PLXDC1: variants seen among roughly 807,000 people sequenced by gnomAD.
The protein encoded by PLXDC1 is plexin domain-containing protein 1.
A neutral mutation model predicts 61.3 loss-of-function variants in PLXDC1; 39 were observed. The ratio of observed to expected loss-of-function variants is 0.64; its 90% CI spans 0.49 to 0.83. The LOEUF (loss-of-function observed/expected upper bound fraction) is 0.83, where lower values mean the gene tolerates loss of function less well. Ranked by LOEUF, PLXDC1 falls within the 40% of genes least tolerant of loss-of-function variation. PLXDC1 has a pLI of 0.00. For missense variants in PLXDC1, 596 were observed against 666.5 expected, an observed-to-expected ratio of 0.89 and a Z score of 1.17; for synonymous variants, 212 against 254.5, an observed-to-expected ratio of 0.83 and a Z score of 1.59.
In PLXDC1 at chr17:39,151,004, C is replaced by G. The variant is rs542999749; in HGVS notation, c.76+358G>C. ...CTGGGGCAGGGGCCTCCCCAGGCTC[C>G]CATCTCATCAGAATTCAGCCTTGCC... On this transcript the variant is annotated intron_variant, in intron 1 of 13. Transcript: ENST00000315392. The surrounding 1 kb of genome is among the most constrained non-coding windows in gnomAD (Gnocchi z 5.2). 4.6e-5 allele frequency among the ~76,000 whole-genome samples: 7 copies of G among 152,278 alleles called. No homozygotes were observed. Among genetic ancestry groups the G allele is most frequent in the African/African-American group, 1.7e-4 (7 of 41,560 alleles).
rs534992993 is a variant in PLXDC1, at chr17:39,076,367, CA to C, written c.1186+1545del. Among the ~76,000 whole-genome samples, 878 of 151,108 alleles carry C rather than the reference CA, an allele frequency of 5.8e-3. 7 individuals carry two copies. Among genetic ancestry groups the C allele is most frequent in the Non-Finnish European group, 9.8e-3 (664 of 67,794 alleles). On this transcript the variant is annotated intron_variant, in intron 11 of 13. Transcript: ENST00000315392. ...CTACAAAAAATTTTTAAAAATTAGC[CA>C]GGTATGGTGGTACATGCCTGCAGTC...
chr17:39,124,641 C>A (rs921368611), intron 2 of PLXDC1, among the ~76,000 whole-genome samples: 1 of 152,216 alleles, frequency 6.6e-6, no homozygotes, highest in African/African-American at 2.4e-5. Context: ...AGAGCTTAGG[C>A]TCTGAAGGCA....
Position 39,083,496 on chromosome 17 carries a change from G to C in PLXDC1, c.952C>G (p.Leu318Val). ...TGGCACCAGCTGCAGTTGAAGGTCA[G>C]GTCTGAGGACATGCAGGCGTCACAG... ...RSCDACMSSD[L>V]TFNCSWCHVL... Residue 318 changes from leucine (L) to valine (V), a missense_variant, in exon 9 of 14, where the codon CTG (leucine) becomes GTG (valine). Coordinates refer to ENST00000315392, the MANE Select transcript of PLXDC1 (RefSeq NM_020405.5). The C allele has an allele frequency of 6.2e-7, 1 of 1,613,940 alleles. No individual in the cohort carries two copies. The highest frequency in any genetic ancestry group is 8.5e-7 in the Non-Finnish European group (1 of 1,179,902).
intron 2 of PLXDC1, among the ~76,000 whole-genome samples, chr17:39,119,097 G>A (rs77812225): frequency 0.026 from 3,988 of 152,304 alleles, 63 homozygotes; most frequent in East Asian, 0.047. Flanking sequence ...CAGCTTTCCA[G>A]CTTCCTTGAG....
At chr17:39,133,018 C>T (rs935799711) in intron 2 of PLXDC1, among the ~76,000 whole-genome samples, 2 of 152,204 alleles carry the variant, frequency 1.3e-5, no homozygotes, top group Non-Finnish European at 2.9e-5. Flanking sequence ...AGCCCCTTCC[C>T]GCCACTCTCC....
rs1171628935 is a variant in PLXDC1 at position 39,135,936 on chromosome 17, G to A, written c.255+3718C>T. Among the ~76,000 whole-genome samples the A allele has an allele frequency of 6.6e-5, 10 of 152,078 alleles. No individual in the cohort carries two copies. The East Asian group carries it at 7.7e-4, about 12-fold the overall frequency. On this transcript the variant is annotated intron_variant, in intron 2 of 13. Transcript: ENST00000315392. ...CCCACTGTCCTTTCTGAACACCCAC[G>A]AACAATTGCTTCCAGAAATCTAAGT...
intron 1 of PLXDC1, among the ~76,000 whole-genome samples, chr17:39,147,310 A>G (rs944186300): frequency 1.3e-5 from 2 of 152,134 alleles, no homozygotes; most frequent in Non-Finnish European, 2.9e-5. Context: ...TGCACTCTTC[A>G]ACCAATTAAC....
chr17:39,095,645 CG>C (rs900689542), intron 7 of PLXDC1, among the ~76,000 whole-genome samples: 1 of 150,582 alleles, frequency 6.6e-6, no homozygotes, highest in Non-Finnish European at 1.5e-5. Flanking sequence ...TTTTTTTTGG[CG>C]GGGGGGTTGT....
Position 39,107,444 on chromosome 17 carries a change from A to G in PLXDC1, c.674T>C (p.Leu225Pro), listed in dbSNP as rs938034150. 3.7e-6 allele frequency: 6 copies of G among 1,613,924 alleles called. No individual in the cohort carries two copies. The highest frequency in any genetic ancestry group is 5.1e-6 in the Non-Finnish European group (6 of 1,179,808). The change falls in exon 6 of 14, where the codon CTG becomes CCG. Residue 225 changes from leucine to proline, a missense_variant. By Grantham distance (98) the Leu-to-Pro change is moderately conservative. Coordinates refer to ENST00000315392, the MANE Select transcript of PLXDC1 (RefSeq NM_020405.5). ...AAAGACAATGCGGCCGTCATGGTGCAGAGCTGCCTGGAAGGTGAAACTGCC... is the reference window on the plus strand; with the variant it reads ...AAAGACAATGCGGCCGTCATGGTGCGGAGCTGCCTGGAAGGTGAAACTGCC... The part of the protein sequence containing the change: ...DKGSFTFQAA[L>P]HHDGRIVFAY...
At chr17:39,123,047 GA>G (rs1911214632) in intron 2 of PLXDC1, among the ~76,000 whole-genome samples, 2 of 152,256 alleles carry the variant, frequency 1.3e-5, no homozygotes, top group East Asian at 3.9e-4. Context: ...AGCACAATTC[GA>G]AAACCATTGC....
chr17:39,102,020 A>T (rs903765824), intron 7 of PLXDC1, among the ~76,000 whole-genome samples: 7 of 152,160 alleles, frequency 4.6e-5, no homozygotes, highest in African/African-American at 1.7e-4. Flanking sequence ...TGAATTTCTG[A>T]AGAGGGGAAA....
At chr17:39,129,700 G>GA (rs1379073450) in intron 2 of PLXDC1, among the ~76,000 whole-genome samples, 1 of 137,606 alleles carries the variant, frequency 7.3e-6, no homozygotes, top group African/African-American at 2.7e-5. Context: ...AAGAAAGAAA[G>GA]AAAGAAAGAA....
chr17:39,112,115 T>A (rs1910825189), intron 2 of PLXDC1: 1 of 152,224 alleles, frequency 6.6e-6, no homozygotes, highest in South Asian at 2.1e-4. Context: ...GCTCCGTGCG[T>A]GGCACTCTGT....
At chr17:39,102,089 G>T (rs141661303) in intron 7 of PLXDC1, among the ~76,000 whole-genome samples, 1 of 152,166 alleles carries the variant, frequency 6.6e-6, no homozygotes, top group Admixed American at 6.5e-5. Context: ...TGACCCTTGA[G>T]TGCCACCCAC....
chr17:39,099,304 G>A (rs951434195), intron 7 of PLXDC1, among the ~76,000 whole-genome samples: 6 of 152,186 alleles, frequency 3.9e-5, no homozygotes, highest in Non-Finnish European at 5.9e-5. Context: ...GAGCCTCAGA[G>A]GCAGATGCTA....
intron 2 of PLXDC1, among the ~76,000 whole-genome samples, chr17:39,124,904 C>T (rs144106149): frequency 0.017 from 2,606 of 152,300 alleles, 86 homozygotes; most frequent in Non-Finnish European, 0.018. Context: ...ACCTCCACCT[C>T]CCGGGCTCAA....
At chr17:39,123,177 G>C (rs1911218335) in intron 2 of PLXDC1, among the ~76,000 whole-genome samples, 1 of 152,180 alleles carries the variant, frequency 6.6e-6, no homozygotes, top group South Asian at 2.1e-4. Flanking sequence ...TCCCTCATCA[G>C]TGACCTTTCT....
chr17:39,147,387 G>T (rs887093905), intron 1 of PLXDC1, among the ~76,000 whole-genome samples: 1 of 151,770 alleles, frequency 6.6e-6, no homozygotes, highest in Non-Finnish European at 1.5e-5. Context: ...GCTGCCCCAC[G>T]ATGATGAAAC....
At chr17:39,096,238 G>C (rs372288935) in intron 7 of PLXDC1, among the ~76,000 whole-genome samples, 24 of 152,276 alleles carry the variant, frequency 1.6e-4, no homozygotes, top group African/African-American at 5.8e-4. Flanking sequence ...CCTGCCCCAC[G>C]GGGGAGAAGT....
Sources: allele counts gnomAD v4.1 joint callset (sites outside exome capture counted in the v4.1 genomes callset), GRCh38; gene constraint gnomAD v4.1.1; non-coding constraint Gnocchi (gnomAD v3.1); transcripts MANE v1.5; gene names NCBI Gene and HGNC (gene_info 2026-07-23, HGNC 2026-07-21).